The following HECW2 variants were observed in gnomAD, a reference collection of about 807,000 sequenced individuals.
HECW2 encodes E3 ubiquitin-protein ligase HECW2.
Under a neutral mutation model 175.2 loss-of-function variants are expected in HECW2, and 61 were observed. The observed-to-expected ratio is 0.35, with a 90% CI of 0.28 to 0.43. The LOEUF (loss-of-function observed/expected upper bound fraction) is 0.43. HECW2 is among the 20% of genes least tolerant of loss of function. HECW2 has a pLI of 1.00. For missense variants in HECW2, 1,524 were observed against 2,000.5 expected (o/e 0.76, Z 4.54); for synonymous variants, 671 against 731.0 (o/e 0.92, Z 1.32).
At chr2:196,327,968 C>T (rs906124405) in intron 5 of HECW2, among the ~76,000 whole-genome samples, 9 of 152,064 alleles carry the variant, frequency 5.9e-5, no homozygotes, top group African/African-American at 2.2e-4. Context: ...GTGTGTCATG[C>T]TTAGAATGAT....
At chr2:196,567,356 T>C (rs536929916) in intron 1 of HECW2, among the ~76,000 whole-genome samples, 21 of 152,346 alleles carry the variant, frequency 1.4e-4, no homozygotes, top group Non-Finnish European at 4.4e-5. Context: ...TATAGCAGCT[T>C]AGCTCATATC....
At chr2:196,533,515 AC>A (rs2125455272) in intron 1 of HECW2, among the ~76,000 whole-genome samples, 1 of 151,762 alleles carries the variant, frequency 6.6e-6, no homozygotes, top group South Asian at 2.1e-4. Context: ...TTCTTCCTCC[AC>A]CCTCCTGCCT....
rs547113309 is a variant in HECW2 at position 196,357,036 on chromosome 2, G to A, written c.293-13272C>T. Among the ~76,000 whole-genome samples, 3 of 152,298 alleles carry A rather than the reference G, an allele frequency of 2.0e-5. No homozygotes were observed. In the South Asian group the frequency reaches 6.2e-4, roughly 32 times the overall value. ...GACCACACTCTGAGGATAATGGAAA[G>A]TCATTAAAGGATTTAAAGCAGGGAA... On this transcript the variant is annotated intron_variant, in intron 2 of 28. Coordinates refer to ENST00000644978, the MANE Select transcript of HECW2 (RefSeq NM_001348768.2).
intron 1 of HECW2, among the ~76,000 whole-genome samples, chr2:196,499,295 T>C (rs1350704353): frequency 2.6e-5 from 4 of 151,598 alleles, no homozygotes; most frequent in Admixed American, 6.6e-5. Flanking sequence ...TGTTGACACA[T>C]TGACAAACTT....
intron 20 of HECW2, 101 bp downstream of exon 20, chr2:196,241,983 A>G (rs929714616): frequency 2.5e-5 from 26 of 1,047,042 alleles, no homozygotes; most frequent in Non-Finnish European, 3.4e-5. Flanking sequence ...GACTAAAATG[A>G]AGGCTAGTCA....
At chr2:196,266,461 C>G (rs1477247562) in intron 17 of HECW2, among the ~76,000 whole-genome samples, 1 of 152,114 alleles carries the variant, frequency 6.6e-6, no homozygotes, top group Non-Finnish European at 1.5e-5. Flanking sequence ...TTTGGTACAG[C>G]AAAGATCAGA....
intron 1 of HECW2, among the ~76,000 whole-genome samples, chr2:196,587,070 A>G (rs1185354257): frequency 6.6e-6 from 1 of 152,206 alleles, no homozygotes; most frequent in East Asian, 1.9e-4. Context: ...CTCTTCAATA[A>G]TATGACTCAT....
At chr2:196,487,653 A>G (rs796852830) in intron 1 of HECW2, among the ~76,000 whole-genome samples, 1 of 152,170 alleles carries the variant, frequency 6.6e-6, no homozygotes, top group African/African-American at 2.4e-5. Flanking sequence ...AGATAATTTG[A>G]CTCTGACACA....
chr2:196,591,092 T>C (rs1691173173), intron 1 of HECW2, among the ~76,000 whole-genome samples: 2 of 152,350 alleles, frequency 1.3e-5, no homozygotes, highest in East Asian at 3.9e-4. Flanking sequence ...AAGCTCCAGC[T>C]GGTTTATCTC....
intron 3 of HECW2, among the ~76,000 whole-genome samples, chr2:196,340,840 C>T (rs911183000): frequency 1.3e-5 from 2 of 151,712 alleles, no homozygotes; most frequent in Admixed American, 1.3e-4. Flanking sequence ...AAATGCATCA[C>T]TGAATATTTC....
At chr2:196,588,749 A>T (rs1257134198) in intron 1 of HECW2, among the ~76,000 whole-genome samples, 1 of 152,216 alleles carries the variant, frequency 6.6e-6, no homozygotes, top group African/African-American at 2.4e-5. Flanking sequence ...CAAGCTTATC[A>T]CTTGAGTCAT....
intron 1 of HECW2, among the ~76,000 whole-genome samples, chr2:196,580,319 TA>T (rs35361158): frequency 6.6e-6 from 1 of 152,140 alleles, no homozygotes; most frequent in African/African-American, 2.4e-5. Context: ...GAACCATTTT[TA>T]AAAAGGTGAG....
At chr2:196,475,844 G>A (rs1686584788) in intron 1 of HECW2, among the ~76,000 whole-genome samples, 3 of 152,374 alleles carry the variant, frequency 2.0e-5, no homozygotes, top group Admixed American at 2.0e-4. Flanking sequence ...TCAGAAGGAA[G>A]GACAGTTTCA....
chr2:196,564,745 C>T (rs747943148), intron 1 of HECW2, among the ~76,000 whole-genome samples: 5 of 151,918 alleles, frequency 3.3e-5, no homozygotes, highest in Non-Finnish European at 7.4e-5. Flanking sequence ...AACTTATGTT[C>T]CTCAACCTCA....
At chr2:196,237,026 T>C (rs192661726) in intron 21 of HECW2, among the ~76,000 whole-genome samples, 2 of 152,190 alleles carry the variant, frequency 1.3e-5, no homozygotes, top group Non-Finnish European at 2.9e-5. Context: ...TAGTGAAACC[T>C]TTCACCAGCT....
Position 196,496,864 on chromosome 2 carries a change from TTAACTA to T in HECW2, c.-35-63412_-35-63407del, listed in dbSNP as rs541973737. Among the ~76,000 whole-genome samples, 557 of 152,352 alleles carry T rather than the reference TTAACTA, an allele frequency of 3.7e-3. 6 individuals are homozygous for T. The highest frequency in any genetic ancestry group is 0.012 in the African/African-American group (513 of 41,590). ...ATCCATCTATTCTATATCATGGCAG[TTAACTA>T]TAACTATACCAGTAATTCATTTTTC... On this transcript the variant is annotated intron_variant, in intron 1 of 28. Coordinates refer to ENST00000644978, the MANE Select transcript of HECW2 (RefSeq NM_001348768.2).
chr2:196,478,888 G>A (rs778149324), intron 1 of HECW2, among the ~76,000 whole-genome samples: 4 of 152,198 alleles, frequency 2.6e-5, no homozygotes, highest in Non-Finnish European at 2.9e-5. Flanking sequence ...GTCATCTTAC[G>A]GCAAACTTGA....
intron 1 of HECW2, among the ~76,000 whole-genome samples, chr2:196,587,241 G>T (rs140298936): frequency 3.9e-4 from 60 of 152,304 alleles, no homozygotes; most frequent in African/African-American, 1.0e-3. Flanking sequence ...TGCTTTGTTC[G>T]AAAATGACAC....
intron 1 of HECW2, among the ~76,000 whole-genome samples, chr2:196,469,391 G>A (rs1436313079): frequency 1.3e-5 from 2 of 151,978 alleles, no homozygotes; most frequent in Non-Finnish European, 2.9e-5. Flanking sequence ...CTACCTCTGC[G>A]GCAAAAGGAG....
Sources: gnomAD v4.1 joint callset for allele counts (sites outside exome capture counted in the v4.1 genomes callset) on GRCh38, gnomAD v4.1.1 for gene constraint, MANE v1.5 for transcripts, NCBI Gene and HGNC (gene_info 2026-07-23, HGNC 2026-07-21) for gene names.